Variants in SLC28A3 observed in about 807,000 individuals in gnomAD.
The protein encoded by SLC28A3 is concentrative Na(+)-nucleoside cotransporter 3.
In SLC28A3, 68 loss-of-function variants were observed where a neutral mutation model predicts 84.2. That is an observed-to-expected ratio of 0.81 (90% CI 0.66 to 0.99). The LOEUF is 0.99. SLC28A3 is among the 50% of genes least tolerant of loss of function. The pLI, the probability that SLC28A3 is intolerant of heterozygous loss-of-function variation, is 0.00. For synonymous variants in SLC28A3, 267 were observed against 303.6 expected, an observed-to-expected ratio of 0.88 and a Z score of 1.25; for missense variants, 712 against 841.5, an observed-to-expected ratio of 0.85 and a Z score of 1.90.
At chr9:84,365,720 T>A in the SLC28A3 span, among the ~76,000 whole-genome samples, 1 of 152,346 alleles carries the variant, frequency 6.6e-6, no homozygotes, top group South Asian at 2.1e-4. Flanking sequence ...CAGTTTTTTA[T>A]TCTTTTACTG....
chr9:84,341,809 T>A (rs1827164467), upstream of SLC28A3, among the ~76,000 whole-genome samples: 1 of 152,020 alleles, frequency 6.6e-6, no homozygotes, highest in Non-Finnish European at 1.5e-5. Flanking sequence ...CTAGTACAAT[T>A]TAAAATACTG....
chr9:84,331,509 T>G (rs75663843), intron 1 of SLC28A3, among the ~76,000 whole-genome samples: 8,306 of 152,206 alleles, frequency 0.055, 256 homozygotes, highest in Non-Finnish European at 0.069. Flanking sequence ...TAAACTCCAT[T>G]TAACAAACTC....
the SLC28A3 span, among the ~76,000 whole-genome samples, chr9:84,352,017 T>A: frequency 6.6e-6 from 1 of 152,186 alleles, no homozygotes; most frequent in African/African-American, 2.4e-5. Context: ...TTTAACATTA[T>A]ATGAAAACAA....
At chr9:84,363,931 TTA>T in the SLC28A3 span, among the ~76,000 whole-genome samples, 2 of 152,110 alleles carry the variant, frequency 1.3e-5, no homozygotes, top group Admixed American at 6.6e-5. Context: ...ATTTTTAAAA[TTA>T]TCTTTTTTCA....
chr9:84,301,717 G>A lies in SLC28A3; in HGVS notation c.524+483C>T, dbSNP rs190229820. On this transcript the variant is annotated intron_variant, in intron 5 of 17. Coordinates refer to ENST00000376238, the MANE Select transcript of SLC28A3 (RefSeq NM_001199633.2). The stretch of plus-strand genomic sequence containing the variant: ...ACCCAATTCTTTATTTACAGGTACT[G>A]AGATTAGATGGCATTTGTGTTGTTC... Among the ~76,000 whole-genome samples the A allele has an allele frequency of 5.3e-4, 81 of 152,296 alleles. No homozygotes were observed. The East Asian group carries it at 0.011, about 20-fold the overall frequency.
chr9:84,320,058 T>TG (rs1826320460), intron 1 of SLC28A3, among the ~76,000 whole-genome samples: 3 of 136,000 alleles, frequency 2.2e-5, no homozygotes, highest in African/African-American at 8.8e-5. Context: ...TTTTTTTTTT[T>TG]TTTTTTTTTG....
chr9:84,357,546 G>T, the SLC28A3 span, among the ~76,000 whole-genome samples: 1 of 152,014 alleles, frequency 6.6e-6, no homozygotes, highest in East Asian at 1.9e-4. Context: ...CAAAGGAGCC[G>T]ACCAAGTCTG....
rs777105688 is a variant in SLC28A3, at chr9:84,280,775, T to G, written c.1729+26A>C. 19 of 1,610,398 alleles carry G rather than the reference T, an allele frequency of 1.2e-5. No individual in the cohort carries two copies. In the South Asian group the frequency reaches 2.1e-4, roughly 18 times the overall value. ...AAGTATGTCTATGGCACATCTGTGTTGTTGAAGAATGTTCTTTTCACTTAC... is the reference window on the plus strand; with the variant it reads ...AAGTATGTCTATGGCACATCTGTGTGGTTGAAGAATGTTCTTTTCACTTAC... On this transcript the variant is annotated intron_variant, in intron 15 of 17. Coordinates refer to ENST00000376238, the MANE Select transcript of SLC28A3 (RefSeq NM_001199633.2).
rs939706967 is a variant in SLC28A3, at chr9:84,340,704, G to A, written c.-71C>T. On this transcript the variant is annotated 5_prime_UTR_variant, in exon 1 of 18. Coordinates refer to ENST00000376238, the MANE Select transcript of SLC28A3 (RefSeq NM_001199633.2). ...CTGGGAAAAAGCACCAGTCTCTGCT[G>A]ATGTCAGAAAGCCACCTGCTGTTAC... is the stretch of plus-strand genomic sequence containing the variant. 22 of 1,582,850 alleles carry A rather than the reference G, an allele frequency of 1.4e-5. No homozygotes were observed. In the African/African-American group the frequency reaches 3.0e-4, roughly 21 times the overall value.
the SLC28A3 span, among the ~76,000 whole-genome samples, chr9:84,351,401 G>A: frequency 7.9e-5 from 12 of 152,348 alleles, no homozygotes; most frequent in African/African-American, 2.4e-4. Context: ...GCTCATGCCT[G>A]TAATCCCAGC....
chr9:84,334,383 CT>C (rs1826896594), intron 1 of SLC28A3, among the ~76,000 whole-genome samples: 1 of 152,146 alleles, frequency 6.6e-6, no homozygotes, highest in African/African-American at 2.4e-5. Flanking sequence ...GGCAAAGGTA[CT>C]GCTTGGGGAT....
the SLC28A3 span, among the ~76,000 whole-genome samples, chr9:84,360,877 T>G: frequency 6.6e-6 from 1 of 152,000 alleles, no homozygotes; most frequent in African/African-American, 2.4e-5. Context: ...GATGGTGAGC[T>G]TTGGTGACAG....
At chr9:84,338,604 G>A (rs1027711610) in intron 1 of SLC28A3, among the ~76,000 whole-genome samples, 6 of 152,156 alleles carry the variant, frequency 3.9e-5, no homozygotes, top group Admixed American at 2.0e-4. Flanking sequence ...AGTTTTGCTA[G>A]AAGACAGTGA....
At chr9:84,358,884 C>T in the SLC28A3 span, among the ~76,000 whole-genome samples, 1 of 152,182 alleles carries the variant, frequency 6.6e-6, no homozygotes, top group African/African-American at 2.4e-5. Flanking sequence ...CTCACTGCAA[C>T]CTCTGCCGCC....
chr9:84,328,290 A>C (rs1826645555), intron 1 of SLC28A3, among the ~76,000 whole-genome samples: 1 of 151,874 alleles, frequency 6.6e-6, no homozygotes, highest in Non-Finnish European at 1.5e-5. Flanking sequence ...AGATTTGAAG[A>C]ACGGATTTTA....
At chr9:84,282,001 G>GT (rs1824771188) in intron 14 of SLC28A3, among the ~76,000 whole-genome samples, 1 of 152,116 alleles carries the variant, frequency 6.6e-6, no homozygotes, top group East Asian at 1.9e-4. Context: ...CATTAGCCAG[G>GT]CATGATGGTG....
chr9:84,290,745 A>G (rs935312598), intron 10 of SLC28A3, among the ~76,000 whole-genome samples: 2 of 152,146 alleles, frequency 1.3e-5, no homozygotes, highest in Non-Finnish European at 2.9e-5. Flanking sequence ...GGTGATTTCT[A>G]AGCCACTGTG....
chr9:84,322,921 C>A (rs866328298), intron 1 of SLC28A3, among the ~76,000 whole-genome samples: 2 of 152,238 alleles, frequency 1.3e-5, no homozygotes, highest in Middle Eastern at 3.4e-3. Context: ...CAGAATGACT[C>A]AAGATGTTAG....
intron 17 of SLC28A3, among the ~76,000 whole-genome samples, chr9:84,278,593 A>C (rs758402327): frequency 2.0e-5 from 3 of 152,078 alleles, no homozygotes; most frequent in Non-Finnish European, 2.9e-5. Flanking sequence ...CTTATAAAAC[A>C]CTTGCACATT....
Sources: gnomAD v4.1 joint callset for allele counts (sites outside exome capture counted in the v4.1 genomes callset) on GRCh38, gnomAD v4.1.1 for gene constraint, MANE v1.5 for transcripts, NCBI Gene and HGNC (gene_info 2026-07-23, HGNC 2026-07-21) for gene names.